Variants in ZMIZ1 observed in about 807,000 individuals in gnomAD.
ZMIZ1 encodes zinc finger MIZ-type containing 1.
In ZMIZ1, 17 loss-of-function variants were observed where a neutral mutation model predicts 113.9. That is an observed-to-expected ratio of 0.15 (90% CI 0.10 to 0.22). The LOEUF (loss-of-function observed/expected upper bound fraction) is 0.22. Among genes scored for constraint, ZMIZ1 ranks in the 10% least tolerant of loss-of-function variants. The pLI is 1.00. For synonymous variants in ZMIZ1, 607 were observed against 603.1 expected, an observed-to-expected ratio of 1.01 and a Z score of -0.09; for missense variants, 1,059 against 1,477.8, an observed-to-expected ratio of 0.72 and a Z score of 4.65.
chr10:79,305,816 G>A (rs530011399), intron 21 of ZMIZ1, among the ~76,000 whole-genome samples: 1 of 152,312 alleles, frequency 6.6e-6, no homozygotes, highest in South Asian at 2.1e-4. Context: ...CACAGCAGGA[G>A]GCTGACAGTG....
At chr10:79,071,272 T>C (rs1164922749) in intron 1 of ZMIZ1, among the ~76,000 whole-genome samples, 3 of 152,334 alleles carry the variant, frequency 2.0e-5, no homozygotes, top group East Asian at 3.9e-4. Context: ...CCGGGCCTGG[T>C]AGACCAGAGG....
chr10:79,299,335 T>G, intron 16 of ZMIZ1, 144 bp downstream of exon 16: 31 of 1,180,128 alleles, frequency 2.6e-5, no homozygotes, highest in Non-Finnish European at 3.5e-5. Context: ...GACTGGGCCC[T>G]GTCCTGCGGT....
intron 1 of ZMIZ1, among the ~76,000 whole-genome samples, chr10:79,073,455 T>C (rs1359734151): frequency 1.3e-5 from 2 of 152,336 alleles, no homozygotes; most frequent in Admixed American, 6.5e-5. Context: ...GGGTACTCAT[T>C]ACCTCCTGGA....
intron 4 of ZMIZ1, among the ~76,000 whole-genome samples, chr10:79,180,365 G>A (rs1166500797): frequency 3.3e-5 from 5 of 152,142 alleles, no homozygotes; most frequent in Admixed American, 6.5e-5. Flanking sequence ...GACCACAGAG[G>A]GTCCTGGCCC....
At chr10:79,291,794 A>C (rs897956013) in intron 10 of ZMIZ1, among the ~76,000 whole-genome samples, 13 of 152,214 alleles carry the variant, frequency 8.5e-5, no homozygotes, top group East Asian at 3.9e-4. Context: ...TGGCACAGCT[A>C]TATGACCTGG....
intron 1 of ZMIZ1, among the ~76,000 whole-genome samples, chr10:79,102,405 C>T (rs1843398020): frequency 6.6e-6 from 1 of 152,346 alleles, no homozygotes; most frequent in South Asian, 2.1e-4. Context: ...CTCCTTTGCC[C>T]CGCCCTCTGC....
chr10:79,311,172 G>A lies in ZMIZ1; in HGVS notation c.3084G>A (p.Glu1028=), dbSNP rs746263887. The change falls in exon 24 of 25, where the codon GAG becomes GAA. Residue 1028 remains glutamate, a synonymous_variant. Coordinates refer to ENST00000334512, the MANE Select transcript of ZMIZ1 (RefSeq NM_020338.4). ...AGAQGASDMP[E]PSLDLLPELT... Reference sequence around the variant, plus strand: ...CGCAGGGAGCGTCCGACATGCCGGAGCCTTCGCTGGATGTAAGTTGGGGTC... The same window carrying A: ...CGCAGGGAGCGTCCGACATGCCGGAACCTTCGCTGGATGTAAGTTGGGGTC... The A allele has an allele frequency of 3.7e-6, 6 of 1,611,132 alleles. No homozygotes were observed. The highest frequency in any genetic ancestry group is 5.1e-6 in the Non-Finnish European group (6 of 1,178,418).
intron 11 of ZMIZ1, 138 bp from the exon 12 acceptor site, chr10:79,293,243 C>A: frequency 8.0e-7 from 1 of 1,257,448 alleles, no homozygotes; most frequent in Non-Finnish European, 1.1e-6. Context: ...TGGTTGGTCA[C>A]CAGTCACTGC....
chr10:79,147,043 A>G (rs1471355930), intron 3 of ZMIZ1, among the ~76,000 whole-genome samples: 2 of 152,134 alleles, frequency 1.3e-5, no homozygotes, highest in Non-Finnish European at 2.9e-5. Flanking sequence ...TTGTCCAAGT[A>G]AGCAGTTCAG....
At chr10:79,099,308 G>T (rs538837013) in intron 1 of ZMIZ1, among the ~76,000 whole-genome samples, 3 of 152,210 alleles carry the variant, frequency 2.0e-5, no homozygotes, top group African/African-American at 7.2e-5. Context: ...TGGGCACAGG[G>T]ACCCCATGCT....
At chr10:79,151,672 T>A (rs906932862) in intron 3 of ZMIZ1, among the ~76,000 whole-genome samples, 1 of 152,182 alleles carries the variant, frequency 6.6e-6, no homozygotes, top group Non-Finnish European at 1.5e-5. Context: ...CCACCACCCC[T>A]CCTTCTTCCT....
rs375183403 is a variant in ZMIZ1 at position 79,289,833 on chromosome 10, G to A, written c.484G>A (p.Gly162Ser). The change falls in exon 9 of 25, where the codon GGC (glycine) becomes AGC (serine). Residue 162 changes from glycine (G) to serine (S), a missense_variant. Gly to Ser is a moderately conservative substitution (Grantham distance 56). Around this residue, in one of 6 missense-constraint regions of ZMIZ1, gnomAD observed 272 missense variants for 350.4 expected, o/e 0.78. Coordinates refer to ENST00000334512, the MANE Select transcript of ZMIZ1 (RefSeq NM_020338.4). ...GCAGCAGAACACCAACCAGCCTCCCGGCTCCCTTTCCGTGGTCACCACGGT... is the reference window on the plus strand; with the variant it reads ...GCAGCAGAACACCAACCAGCCTCCCAGCTCCCTTTCCGTGGTCACCACGGT... ...PWQQNTNQPP[G>S]SLSVVTTVWG... 214 of 1,613,956 alleles carry A rather than the reference G, an allele frequency of 1.3e-4. No individual in the cohort carries two copies. Among genetic ancestry groups the A allele is most frequent in the Non-Finnish European group, 1.7e-4 (195 of 1,179,954 alleles).
intron 7 of ZMIZ1, among the ~76,000 whole-genome samples, chr10:79,255,134 G>T (rs1004349835): frequency 2.0e-5 from 3 of 152,314 alleles, no homozygotes; most frequent in Middle Eastern, 3.4e-3. Context: ...GTTTCTGCCT[G>T]CCAGGTGGGC....
intron 4 of ZMIZ1, among the ~76,000 whole-genome samples, chr10:79,198,439 C>G (rs894624988): frequency 6.6e-6 from 1 of 152,062 alleles, no homozygotes; most frequent in East Asian, 1.9e-4. Context: ...CCTCCTCCTT[C>G]CCCAGGCAGG....
chr10:79,312,277 C>T (rs563800421), intron 24 of ZMIZ1, among the ~76,000 whole-genome samples: 2 of 152,390 alleles, frequency 1.3e-5, no homozygotes, highest in Non-Finnish European at 2.9e-5. Context: ...CCTCCTTGTG[C>T]TTACACGTGA....
At chr10:79,103,364 G>A (rs1843438768) in intron 1 of ZMIZ1, among the ~76,000 whole-genome samples, 1 of 152,198 alleles carries the variant, frequency 6.6e-6, no homozygotes, top group Non-Finnish European at 1.5e-5. Context: ...GTGAGAGTGG[G>A]AGGCCAAGGA....
intron 6 of ZMIZ1, among the ~76,000 whole-genome samples, chr10:79,213,818 T>C (rs1274688776): frequency 6.6e-6 from 1 of 152,202 alleles, no homozygotes; most frequent in East Asian, 1.9e-4. Context: ...TGAGGTGTTG[T>C]TCAACCTCTT....
Position 79,307,468 on chromosome 10 carries a change from T to G in ZMIZ1, c.2732T>G (p.Met911Arg). 1 of 1,611,892 alleles carries G rather than the reference T, an allele frequency of 6.2e-7. No homozygotes were observed. Among genetic ancestry groups the G allele is most frequent in the Non-Finnish European group, 8.5e-7 (1 of 1,179,230 alleles). The change falls in exon 23 of 25, where the codon ATG (methionine) becomes AGG (arginine). Residue 911 changes from methionine (M) to arginine (R), a missense_variant. By Grantham distance (91) the Met-to-Arg change is moderately conservative. Transcript: ENST00000334512. ...CACGGGAACCCTGGAGGGACATCCATGAATGACTTCATGCACGGGCCCCCC... is the reference window on the plus strand; with the variant it reads ...CACGGGAACCCTGGAGGGACATCCAGGAATGACTTCATGCACGGGCCCCCC... ...FPHGNPGGTS[M>R]NDFMHGPPQL...
chr10:79,241,795 G>C (rs1453305924), intron 7 of ZMIZ1, among the ~76,000 whole-genome samples: 1 of 152,216 alleles, frequency 6.6e-6, no homozygotes, highest in Non-Finnish European at 1.5e-5. Context: ...GGGCCAGCCA[G>C]AGGCTGAGGC....
Sources: gnomAD v4.1 joint callset for allele counts (sites outside exome capture counted in the v4.1 genomes callset) on GRCh38, gnomAD v4.1.1 for gene constraint, gnomAD v4.1.1 regional missense constraint, MANE v1.5 for transcripts, NCBI Gene and HGNC (gene_info 2026-07-23, HGNC 2026-07-21) for gene names.